The following FBXL18 variants were observed in gnomAD, a reference collection of about 807,000 sequenced individuals.
FBXL18 encodes the protein F-box and leucine rich repeat protein 18.
A neutral mutation model predicts 46.0 loss-of-function variants in FBXL18; 36 were observed. The observed-to-expected ratio is 0.78, with a 90% CI of 0.60 to 1.03. FBXL18 has a LOEUF of 1.03. FBXL18 is among the 50% of genes least tolerant of loss of function. The pLI, the probability that FBXL18 is intolerant of heterozygous loss-of-function variation, is 0.00. For synonymous variants in FBXL18, 557 were observed against 465.3 expected, an observed-to-expected ratio of 1.20 and a Z score of -2.54; for missense variants, 977 against 1,004.1, an observed-to-expected ratio of 0.97 and a Z score of 0.36.
chr7:5,467,641 C>T (rs552822748), intron 4 of FBXL18, among the ~76,000 whole-genome samples: 5 of 152,180 alleles, frequency 3.3e-5, no homozygotes, highest in Middle Eastern at 3.4e-3. Context: ...GGCCAGATCA[C>T]GCCAGGGAAA....
chr7:5,512,115 G>A (rs1036924336), intron 1 of FBXL18, among the ~76,000 whole-genome samples: 1 of 150,166 alleles, frequency 6.7e-6, no homozygotes, highest in Non-Finnish European at 1.5e-5. Context: ...CGTGGTGGCG[G>A]GCGCCCGTAG....
Position 5,496,833 on chromosome 7 carries a change from C to T in FBXL18, c.1781+3655G>A, listed in dbSNP as rs185701157. 2.6e-5 allele frequency among the ~76,000 whole-genome samples: 4 copies of T among 152,040 alleles called. No individual in the cohort carries two copies. The highest frequency in any genetic ancestry group is 9.6e-5 in the African/African-American group (4 of 41,460). On this transcript the variant is annotated intron_variant, in intron 3 of 4. Transcript: ENST00000382368. The surrounding 1 kb of genome is among the most constrained non-coding windows in gnomAD (Gnocchi z 4.8). The stretch of plus-strand genomic sequence containing the variant: ...CTGAGGTCAGGAGTTCGAGACCAGC[C>T]TGGCCAACATGGTGAAACCCCGTCT...
chr7:5,511,730 T>C (rs962154431), intron 1 of FBXL18, among the ~76,000 whole-genome samples: 1 of 147,860 alleles, frequency 6.8e-6, no homozygotes, highest in South Asian at 2.1e-4. Flanking sequence ...ATCGCGCCAC[T>C]GCACTCCAAC....
chr7:5,469,871 TGA>T (rs1222176296), intron 4 of FBXL18, among the ~76,000 whole-genome samples: 1 of 150,402 alleles, frequency 6.6e-6, no homozygotes, highest in African/African-American at 2.5e-5. Flanking sequence ...AGCCTGAGTG[TGA>T]GTGTGCAGGT....
intron 4 of FBXL18, among the ~76,000 whole-genome samples, chr7:5,469,592 G>A (rs1366387331): frequency 1.3e-5 from 2 of 151,838 alleles, no homozygotes; most frequent in African/African-American, 4.8e-5. Context: ...GGTGCTGCGT[G>A]GAGATGAGAA....
At position 5,505,474 on chromosome 7, in the gene FBXL18, G is replaced by A. The variant is rs751517649; in HGVS notation, c.175C>T (p.Leu59Phe). 1 of 1,614,192 alleles carries A rather than the reference G, an allele frequency of 6.2e-7. No individual in the cohort carries two copies. Among genetic ancestry groups the A allele is most frequent in the Middle Eastern group, 1.6e-4 (1 of 6,062 alleles). Residue 59 changes from leucine to phenylalanine, a missense_variant, in exon 2 of 5, where the codon CTT (leucine) becomes TTT (phenylalanine). Physicochemically the swap from Leu to Phe is conservative, Grantham distance 22. Transcript: ENST00000382368. ...CTCTTGTCAAGGCACAGGGCTGCAAGCTTCCGACAGGTACGCCGGACGTTC... is the reference window on the plus strand; with the variant it reads ...CTCTTGTCAAGGCACAGGGCTGCAAACTTCCGACAGGTACGCCGGACGTTC... ...ILNVRRTCRK[L>F]AALCLDKSLI...
intron 4 of FBXL18, among the ~76,000 whole-genome samples, chr7:5,468,646 A>G (rs887952500): frequency 2.6e-5 from 4 of 152,182 alleles, no homozygotes; most frequent in African/African-American, 9.6e-5. Flanking sequence ...TCTGTTGCCC[A>G]GGCTGGAGTG....
intron 4 of FBXL18, among the ~76,000 whole-genome samples, chr7:5,458,842 A>C (rs1783207142): frequency 6.6e-6 from 1 of 152,118 alleles, no homozygotes; most frequent in African/African-American, 2.4e-5. Flanking sequence ...CTGGGTTGGC[A>C]GGGCATTTTG....
intron 4 of FBXL18, among the ~76,000 whole-genome samples, chr7:5,457,525 TG>T (rs1783189448): frequency 6.6e-6 from 1 of 152,062 alleles, no homozygotes; most frequent in Non-Finnish European, 1.5e-5. Context: ...CTGCAACAGG[TG>T]GTGGGAGTGA....
At chr7:5,486,146 C>T (rs948015255) in intron 4 of FBXL18, among the ~76,000 whole-genome samples, 2 of 149,594 alleles carry the variant, frequency 1.3e-5, no homozygotes, top group Non-Finnish European at 3.0e-5. Flanking sequence ...CCCAGCTACT[C>T]GGGAGGCTGA....
At chr7:5,487,529 TCTC>T (rs547083468) in intron 4 of FBXL18, among the ~76,000 whole-genome samples, 177 of 152,202 alleles carry the variant, frequency 1.2e-3, no homozygotes, top group African/African-American at 4.2e-3. Context: ...ACACGGCCCC[TCTC>T]CTCTTCCAGG....
At chr7:5,489,156 T>C in intron 4 of FBXL18, 1 of 451,198 alleles carries the variant, frequency 2.2e-6, no homozygotes, top group Non-Finnish European at 4.4e-6. Flanking sequence ...GACACCCAGA[T>C]GAGAGCCGTG....
chr7:5,484,427 G>A (rs1023896050), intron 4 of FBXL18, among the ~76,000 whole-genome samples: 9 of 143,808 alleles, frequency 6.3e-5, no homozygotes, highest in East Asian at 2.1e-4. Context: ...CAGAGATTGC[G>A]CCACTGCACT....
In FBXL18 at chr7:5,480,455, G is replaced by A. The variant is rs1317892684; in HGVS notation, c.*1320C>T. Reference sequence around the variant, plus strand: ...TGTTTTTTTCTCTTTCTTTTTCAGAGATGGGGTATCCCTGTGTTGCCCAGG... The same window carrying A: ...TGTTTTTTTCTCTTTCTTTTTCAGAAATGGGGTATCCCTGTGTTGCCCAGG... On this transcript the variant is annotated 3_prime_UTR_variant, in exon 5 of 5. Transcript: ENST00000382368. 2 of 150,994 alleles carry A rather than the reference G, an allele frequency of 1.3e-5. No homozygotes were observed. The highest frequency in any genetic ancestry group is 4.2e-4 in the South Asian group (2 of 4,790). 9.4% of individuals were successfully genotyped at this position (150,994 alleles called of 1,614,324 possible).
rs1442135740 is a variant in FBXL18, at chr7:5,505,845, C to CA, written c.19-216dup. ...GTCTCCCTTCAAAAATGAAAGATTA[C>CA]AAAAAAAGATCATCATGTGTTTATT... On this transcript the variant is annotated intron_variant, in intron 1 of 4. Coordinates refer to ENST00000382368, the MANE Select transcript of FBXL18 (RefSeq NM_024963.6). Among the ~76,000 whole-genome samples the CA allele has an allele frequency of 2.0e-5, 3 of 152,024 alleles. No individual in the cohort carries two copies. In the East Asian group the frequency reaches 5.8e-4, roughly 29 times the overall value.
chr7:5,490,103 A>C, intron 4 of FBXL18: 1 of 1,361,776 alleles, frequency 7.3e-7, no homozygotes. Flanking sequence ...ACTACCCCAG[A>C]GTCTGGCAAG....
Position 5,480,091 on chromosome 7 carries a change from C to T in FBXL18, c.*1684G>A, listed in dbSNP as rs923588949. ...CCCAGAGCAAGGAGCTGCTGAAAAC[C>T]ATCCCCACTCAGGGGCAGGGCCGGT... On this transcript the variant is annotated 3_prime_UTR_variant, in exon 5 of 5. Coordinates refer to ENST00000382368, the MANE Select transcript of FBXL18 (RefSeq NM_024963.6). Among the ~76,000 whole-genome samples the T allele has an allele frequency of 2.0e-4, 31 of 152,336 alleles. No homozygotes were observed. Among genetic ancestry groups the T allele is most frequent in the African/African-American group, 7.0e-4 (29 of 41,586 alleles).
chr7:5,457,928 C>T (rs1157193398), intron 4 of FBXL18, among the ~76,000 whole-genome samples: 1 of 152,188 alleles, frequency 6.6e-6, no homozygotes, highest in Non-Finnish European at 1.5e-5. Context: ...ATTCTCTCAG[C>T]GAGAGCGCTG....
rs1486058133 is a variant in FBXL18 at position 5,477,460 on chromosome 7, T to C, written c.*4315A>G. Among the ~76,000 whole-genome samples the C allele has an allele frequency of 2.0e-5, 3 of 152,108 alleles. No homozygotes were observed. Among genetic ancestry groups the C allele is most frequent in the Non-Finnish European group, 2.9e-5 (2 of 68,024 alleles). Reference sequence around the variant, plus strand: ...GCTCACACCTGTTATCCTAGCACTTTGGGAGGCCGAGGCAGGAGAATCACT... The same window carrying C: ...GCTCACACCTGTTATCCTAGCACTTCGGGAGGCCGAGGCAGGAGAATCACT... On this transcript the variant is annotated 3_prime_UTR_variant, in exon 5 of 5. Transcript: ENST00000382368. The surrounding 1 kb of genome is among the most constrained non-coding windows in gnomAD (Gnocchi z 4.4).
Sources: gnomAD v4.1 joint callset for allele counts (sites outside exome capture counted in the v4.1 genomes callset) on GRCh38, gnomAD v4.1.1 for gene constraint, Gnocchi (gnomAD v3.1) non-coding constraint, MANE v1.5 for transcripts, NCBI Gene and HGNC (gene_info 2026-07-23, HGNC 2026-07-21) for gene names.